The following FTCDNL1 variants were observed in gnomAD, a reference collection of about 807,000 sequenced individuals.
FTCDNL1 encodes the protein formiminotransferase cyclodeaminase N-terminal like.
Under a neutral mutation model 5.9 loss-of-function variants are expected in FTCDNL1, and 11 were observed. That is an observed-to-expected ratio of 1.87 (90% CI 1.18 to 3.10). The LOEUF (loss-of-function observed/expected upper bound fraction) is 3.10. Among genes scored for constraint, FTCDNL1 ranks in the 30% most tolerant of loss-of-function variants. The pLI, the probability that FTCDNL1 is intolerant of heterozygous loss-of-function variation, is 0.00. For synonymous variants in FTCDNL1, 58 were observed against 24.8 expected (o/e 2.34, Z -3.99); for missense variants, 115 against 65.5 (o/e 1.76, Z -2.61).
At chr2:199,802,533 A>C (rs1700509880) in intron 3 of FTCDNL1, among the ~76,000 whole-genome samples, 1 of 152,250 alleles carries the variant, frequency 6.6e-6, no homozygotes, top group South Asian at 2.1e-4. Context: ...CACTGGCTGC[A>C]CAATCCACAT....
At chr2:199,692,823 A>G in the FTCDNL1 span, among the ~76,000 whole-genome samples, 1 of 152,250 alleles carries the variant, frequency 6.6e-6, no homozygotes, top group African/African-American at 2.4e-5. Context: ...GCTGTGGCTC[A>G]AAAGATTGCT....
chr2:199,764,502 C>G (rs1431800807), intron 3 of FTCDNL1, among the ~76,000 whole-genome samples: 2 of 152,260 alleles, frequency 1.3e-5, no homozygotes, highest in Admixed American at 6.5e-5. Flanking sequence ...TTCAGCTCCC[C>G]CAAAGCCTTC....
chr2:199,796,736 C>A (rs1700191125), intron 3 of FTCDNL1, among the ~76,000 whole-genome samples: 1 of 151,994 alleles, frequency 6.6e-6, no homozygotes. Context: ...TTTGCTCATG[C>A]AGTGGTTTCC....
In FTCDNL1 at chr2:199,810,569, G is replaced by A. The variant is rs1700979016; in HGVS notation, c.*2136C>T. Reference sequence around the variant, plus strand: ...CACTCTAGAGCCCTGTTACTCTAGAGCTCAGGGGCAAATGTCCCGCCTTTC... The same window carrying A: ...CACTCTAGAGCCCTGTTACTCTAGAACTCAGGGGCAAATGTCCCGCCTTTC... On this transcript the variant is annotated 3_prime_UTR_variant, in exon 5 of 5. Transcript: ENST00000420128. Among the ~76,000 whole-genome samples the A allele has an allele frequency of 6.6e-6, 1 of 152,230 alleles. No homozygotes were observed. Among genetic ancestry groups the A allele is most frequent in the African/African-American group, 2.4e-5 (1 of 41,466 alleles).
intron 1 of FTCDNL1, 89 bp from the exon 2 acceptor site, chr2:199,849,058 C>T (rs187422297): frequency 9.3e-6 from 6 of 642,392 alleles, no homozygotes; most frequent in East Asian, 5.5e-5. Context: ...TTTTTGGAAA[C>T]GAAGCAGTCA....
chr2:199,788,784 A>G (rs1404789739), intron 3 of FTCDNL1, among the ~76,000 whole-genome samples: 2 of 152,056 alleles, frequency 1.3e-5, no homozygotes, highest in East Asian at 3.9e-4. Context: ...GTTTAAAAAA[A>G]AGACTCACAA....
chr2:199,734,057 G>GA, the FTCDNL1 span, among the ~76,000 whole-genome samples: 13 of 151,992 alleles, frequency 8.6e-5, no homozygotes, highest in African/African-American at 3.1e-4. Context: ...ATTTTATCCT[G>GA]AAAAAATCTT....
At chr2:199,826,298 C>T (rs1385119965) in intron 3 of FTCDNL1, among the ~76,000 whole-genome samples, 1 of 152,102 alleles carries the variant, frequency 6.6e-6, no homozygotes, top group African/African-American at 2.4e-5. Flanking sequence ...TTAGTGGAAA[C>T]AACATATGCT....
chr2:199,804,668 G>C (rs137952988), downstream of FTCDNL1, among the ~76,000 whole-genome samples: 184 of 152,200 alleles, frequency 1.2e-3, no homozygotes, highest in African/African-American at 4.0e-3. Flanking sequence ...GAAAAGGAGA[G>C]TAACCATGCG....
At chr2:199,691,657 A>G in the FTCDNL1 span, among the ~76,000 whole-genome samples, 1 of 152,212 alleles carries the variant, frequency 6.6e-6, no homozygotes, top group Admixed American at 6.5e-5. Flanking sequence ...AAATATCATA[A>G]GCACTTACAA....
At chr2:199,707,652 C>A in the FTCDNL1 span, among the ~76,000 whole-genome samples, 1 of 151,710 alleles carries the variant, frequency 6.6e-6, no homozygotes, top group Non-Finnish European at 1.5e-5. Flanking sequence ...TGATAACAAA[C>A]CATCTCAGCT....
Position 199,851,175 on chromosome 2 carries a change from G to GCCTC in FTCDNL1, c.-444_-443insGAGG, listed in dbSNP as rs1165920286. 7 of 148,262 alleles carry GCCTC rather than the reference G, an allele frequency of 4.7e-5. No homozygotes were observed. Among genetic ancestry groups the GCCTC allele is most frequent in the African/African-American group, 9.9e-5 (4 of 40,546 alleles). The allele number at this position is 148,262 out of a possible 1,614,324, so 9.2% of individuals were successfully genotyped here. On this transcript the variant is annotated 5_prime_UTR_variant, in exon 1 of 5. Transcript: ENST00000420128. ...CGCCGCCGCGCGTGGCCCGCGCGCAGCGTCTGCCGCCGGCTCCGCCTCCCG... is the reference window on the plus strand; with the variant it reads ...CGCCGCCGCGCGTGGCCCGCGCGCAGCCTCCGTCTGCCGCCGGCTCCGCCTCCCG...
chr2:199,713,402 C>T, the FTCDNL1 span, among the ~76,000 whole-genome samples: 2 of 152,128 alleles, frequency 1.3e-5, no homozygotes, highest in African/African-American at 4.8e-5. Context: ...TGCAACCAAG[C>T]CCCACAGCTT....
At chr2:199,695,357 T>G in the FTCDNL1 span, among the ~76,000 whole-genome samples, 2 of 152,190 alleles carry the variant, frequency 1.3e-5, no homozygotes, top group Non-Finnish European at 2.9e-5. Flanking sequence ...TCACCATAAT[T>G]TAAATAATCC....
downstream of FTCDNL1, among the ~76,000 whole-genome samples, chr2:199,759,294 G>GT (rs1253932341): frequency 6.7e-6 from 1 of 148,370 alleles, no homozygotes; most frequent in African/African-American, 2.6e-5. Context: ...CTTATCATTT[G>GT]TTGTTTTTTT....
chr2:199,769,326 G>T (rs929375173), intron 3 of FTCDNL1, among the ~76,000 whole-genome samples: 9 of 152,182 alleles, frequency 5.9e-5, no homozygotes, highest in African/African-American at 2.2e-4. Flanking sequence ...ATTGAATCAC[G>T]GAGGCAGTTT....
the FTCDNL1 span, among the ~76,000 whole-genome samples, chr2:199,673,754 T>G: frequency 6.6e-6 from 1 of 152,186 alleles, no homozygotes; most frequent in Non-Finnish European, 1.5e-5. Flanking sequence ...TTTTCAGACT[T>G]GCAAAATGAG....
the FTCDNL1 span, among the ~76,000 whole-genome samples, chr2:199,682,488 C>T: frequency 6.6e-6 from 1 of 152,152 alleles, no homozygotes; most frequent in African/African-American, 2.4e-5. Flanking sequence ...AAAAGACAGC[C>T]TGCATTTGAA....
At position 199,812,436 on chromosome 2, in the gene FTCDNL1, AT is replaced by A. The variant is rs1382398243; in HGVS notation, c.*268del. ...TGACCTTATTTAAATGCTGAATTTG[AT>A]TTTTTATGTTAATTTAAACCTACTA... On this transcript the variant is annotated 3_prime_UTR_variant, in exon 5 of 5. Coordinates refer to ENST00000420128, the MANE Select transcript of FTCDNL1 (RefSeq NM_001363886.2). 5 of 379,004 alleles carry A rather than the reference AT, an allele frequency of 1.3e-5. No homozygotes were observed. The highest frequency in any genetic ancestry group is 2.3e-5 in the Non-Finnish European group (5 of 215,270). 23.5% of individuals were successfully genotyped at this position (379,004 alleles called of 1,614,324 possible). A position where few individuals can be genotyped will look rare whatever the true frequency, so the allele number is the denominator to read the frequency against.
Sources: allele counts gnomAD v4.1 joint callset (sites outside exome capture counted in the v4.1 genomes callset), GRCh38; gene constraint gnomAD v4.1.1; transcripts MANE v1.5; gene names NCBI Gene and HGNC (gene_info 2026-07-23, HGNC 2026-07-21).